The following HES2 variants were observed in gnomAD, a reference collection of about 807,000 sequenced individuals.
HES2 encodes transcription factor HES-2.
In HES2, 11 loss-of-function variants were observed where a neutral mutation model predicts 11.9. The ratio of observed to expected loss-of-function variants is 0.92; its 90% confidence interval spans 0.58 to 1.53. The LOEUF (loss-of-function observed/expected upper bound fraction) is 1.53, where lower values mean the gene tolerates loss of function less well. Ranked by LOEUF, HES2 falls within the 40% of genes most tolerant of loss-of-function variation. The pLI, the probability that HES2 is intolerant of heterozygous loss-of-function variation, is 0.00. For synonymous variants in HES2, 125 were observed against 122.8 expected (o/e 1.02, Z -0.12); for missense variants, 260 against 253.8 (o/e 1.02, Z -0.16).
Position 6,419,295 on chromosome 1 carries a change from T to C in HES2, c.187A>G (p.Thr63Ala). 6.2e-7 allele frequency: 1 copy of C among 1,610,878 alleles called. No individual in the cohort carries two copies. The highest frequency in any genetic ancestry group is 8.5e-7 in the Non-Finnish European group (1 of 1,179,188). ...GGCAGCTCCTGCAGGAAGCGCACGG[T>C]CATTTCCAGGACGTCTGCCTTCTCT... ...KLEKADVLEM[T>A]VRFLQELPAS... The change falls in exon 3 of 4, where the codon ACC becomes GCC. Residue 63 changes from threonine to alanine, a missense_variant. By Grantham distance (58) the Thr-to-Ala change is moderately conservative (BLOSUM62 0). Coordinates refer to ENST00000377834, the MANE Select transcript of HES2 (RefSeq NM_019089.5). The surrounding 1 kb of genome is among the most constrained non-coding windows in gnomAD (Gnocchi z 8.1).
chr1:6,419,287 G>C lies in HES2; in HGVS notation c.195C>G (p.Arg65=), dbSNP rs755059196. The change falls in exon 3 of 4, where the codon CGC becomes CGG. Residue 65 remains arginine (R), a synonymous_variant. Coordinates refer to ENST00000377834, the MANE Select transcript of HES2 (RefSeq NM_019089.5). The surrounding 1 kb of genome is among the most constrained non-coding windows in gnomAD (Gnocchi z 8.1). The part of the protein sequence containing the change: ...EKADVLEMTV[R]FLQELPASSW... ...AGGACGCAGGCAGCTCCTGCAGGAA[G>C]CGCACGGTCATTTCCAGGACGTCTG... The C allele has an allele frequency of 1.2e-6, 2 of 1,610,748 alleles. No individual in the cohort carries two copies. Among genetic ancestry groups the C allele is most frequent in the African/African-American group, 2.7e-5 (2 of 74,750 alleles).
In HES2 at chr1:6,419,652, G is replaced by A; in HGVS notation, c.96C>T (p.Ser32=). The A allele has an allele frequency of 1.3e-6, 2 of 1,554,508 alleles. No homozygotes were observed. Among genetic ancestry groups the A allele is most frequent in the Non-Finnish European group, 1.7e-6 (2 of 1,153,410 alleles). The change falls in exon 2 of 4, where the codon AGC becomes AGT. Residue 32 remains serine (S), a synonymous_variant. Coordinates refer to ENST00000377834, the MANE Select transcript of HES2 (RefSeq NM_019089.5). The surrounding 1 kb of genome is among the most constrained non-coding windows in gnomAD (Gnocchi z 8.1). The part of the protein sequence containing the change: ...EKRRRARINQ[S]LSQLKGLILP... Reference sequence around the variant, plus strand: ...GGATGAGCCCCTTAAGCTGGCTCAGGCTCTGGTTGATGCGCGCGCGCCGGC... The same window carrying A: ...GGATGAGCCCCTTAAGCTGGCTCAGACTCTGGTTGATGCGCGCGCGCCGGC...
chr1:6,419,804 C>T lies in HES2; in HGVS notation c.17G>A (p.Arg6Gln). The change falls in exon 1 of 4, where the codon CGG (arginine) becomes CAG (glutamine). Residue 6 changes from arginine to glutamine, a missense_variant. Physicochemically the swap from Arg to Gln is conservative, Grantham distance 43 (BLOSUM62 1). Transcript: ENST00000377834. This position sits in a 1 kb window ranked among gnomAD's most constrained non-coding sequence, Gnocchi z 8.1. ...GCGCAGCTCCGCCGCGTCCCCTGCC[C>T]GGCGAGGCAGCCCCATGCTCCGCGG... is the stretch of plus-strand genomic sequence containing the variant. MGLPR[R>Q]AGDAAELRKS... The T allele has an allele frequency of 6.4e-7, 1 of 1,563,032 alleles. No homozygotes were observed. The highest frequency in any genetic ancestry group is 8.6e-7 in the Non-Finnish European group (1 of 1,159,368).
At position 6,415,303 on chromosome 1, in the gene HES2, G is replaced by A. The variant is rs1287652610; in HGVS notation, c.*3570C>T. On this transcript the variant is annotated 3_prime_UTR_variant, in exon 4 of 4. Coordinates refer to ENST00000377834, the MANE Select transcript of HES2 (RefSeq NM_019089.5). ...TTTTTTTAAACAAATTGAAGGTTCG[G>A]GGTAACTCCAGAGTCAAGCAAGTCT... 6.6e-6 allele frequency: 1 copy of A among 151,830 alleles called. No individual in the cohort carries two copies. The highest frequency in any genetic ancestry group is 1.5e-5 in the Non-Finnish European group (1 of 67,982). The allele number at this position is 151,830 out of a possible 1,614,324, so 9.4% of individuals were successfully genotyped here. A position where few individuals can be genotyped will look rare whatever the true frequency, so the allele number is the denominator to read the frequency against.
Position 6,419,453 on chromosome 1 carries a change from T to C in HES2, c.142-113A>G. 8.4e-7 allele frequency: 1 copy of C among 1,187,476 alleles called. No individual in the cohort carries two copies. The highest frequency in any genetic ancestry group is 1.2e-6 in the Non-Finnish European group (1 of 851,984). 73.6% of individuals were successfully genotyped at this position (1,187,476 alleles called of 1,614,324 possible). A position where few individuals can be genotyped will look rare whatever the true frequency, so the allele number is the denominator to read the frequency against. On this transcript the variant is annotated intron_variant, in intron 2 of 3. Coordinates refer to ENST00000377834, the MANE Select transcript of HES2 (RefSeq NM_019089.5). This position sits in a 1 kb window ranked among gnomAD's most constrained non-coding sequence, Gnocchi z 8.1. ...GCTGGGTGTGGGGCGCGCCGTGGCCTGCTGGGGGTCCGCTCCGACGCGCCC... is the reference window on the plus strand; with the variant it reads ...GCTGGGTGTGGGGCGCGCCGTGGCCCGCTGGGGGTCCGCTCCGACGCGCCC...
chr1:6,419,054 C>T lies in HES2; in HGVS notation c.341G>A (p.Arg114His). The T allele has an allele frequency of 1.4e-6, 2 of 1,471,856 alleles. No homozygotes were observed. The highest frequency in any genetic ancestry group is 8.9e-7 in the Non-Finnish European group (1 of 1,121,102). The allele number at this position is 1,471,856 out of a possible 1,614,324, so 91.2% of individuals were successfully genotyped here. The stretch of plus-strand genomic sequence containing the variant: ...TCTCCGCCACAGGTGCTCCAGCAGG[C>T]GCGCGCTCACGGCGGGCTCCAGGAC... ...CRVLEPAVSA[R>H]LLEHLWRRAA... is the part of the protein sequence containing the mutation. Residue 114 changes from arginine (R) to histidine (H), a missense_variant, in exon 4 of 4, where the codon CGC (arginine) becomes CAC (histidine). Arg to His is a conservative substitution (Grantham distance 29). Transcript: ENST00000377834. This position sits in a 1 kb window ranked among gnomAD's most constrained non-coding sequence, Gnocchi z 8.1.
Position 6,418,941 on chromosome 1 carries a change from G to T in HES2, c.454C>A (p.Pro152Thr). The T allele has an allele frequency of 9.8e-6, 13 of 1,331,064 alleles. No homozygotes were observed. Among genetic ancestry groups the T allele is most frequent in the Non-Finnish European group, 1.2e-5 (13 of 1,049,646 alleles). The allele number at this position is 1,331,064 out of a possible 1,614,324, so 82.5% of individuals were successfully genotyped here. A position where few individuals can be genotyped will look rare whatever the true frequency, so the allele number is the denominator to read the frequency against. The change falls in exon 4 of 4, where the codon CCC (proline) becomes ACC (threonine). Residue 152 changes from proline to threonine, a missense_variant. By Grantham distance (38) the Pro-to-Thr change is conservative. Transcript: ENST00000377834. ...PAPAPASAPE[P>T]ASAPVPSPPS... ...GGCGAGGGCACCGGAGCGGATGCGG[G>T]CTCTGGGGCAGACGCGGGCGCTGGG...
chr1:6,417,895 T>G lies in HES2; in HGVS notation c.*978A>C, dbSNP rs1488712792. ...CACCGCGCCCGCCCAGAAAGAAAAA[T>G]CTTAACAAGTTGCTTCCAGTAACCA... On this transcript the variant is annotated 3_prime_UTR_variant, in exon 4 of 4. Transcript: ENST00000377834. 6.6e-6 allele frequency: 1 copy of G among 152,116 alleles called. No homozygotes were observed. The highest frequency in any genetic ancestry group is 2.4e-5 in the African/African-American group (1 of 41,398). The allele number at this position is 152,116 out of a possible 1,614,324, so 9.4% of individuals were successfully genotyped here. A position where few individuals can be genotyped will look rare whatever the true frequency, so the allele number is the denominator to read the frequency against.
Position 6,419,883 on chromosome 1 carries a change from A to C in HES2, c.-63T>G. On this transcript the variant is annotated 5_prime_UTR_variant, in exon 1 of 4. Coordinates refer to ENST00000377834, the MANE Select transcript of HES2 (RefSeq NM_019089.5). This position sits in a 1 kb window ranked among gnomAD's most constrained non-coding sequence, Gnocchi z 8.1. ...CAAAGGGAAACCGAGGTCCGAAATG[A>C]GGTCCCGGGCGCGGCCCGGGCTGGT... is the stretch of plus-strand genomic sequence containing the variant. 1.4e-6 allele frequency: 2 copies of C among 1,467,600 alleles called. No individual in the cohort carries two copies. The highest frequency in any genetic ancestry group is 1.8e-6 in the Non-Finnish European group (2 of 1,110,460). 90.9% of individuals were successfully genotyped at this position (1,467,600 alleles called of 1,614,324 possible).
chr1:6,418,687 T>C lies in HES2; in HGVS notation c.*186A>G, dbSNP rs1226981903. On this transcript the variant is annotated 3_prime_UTR_variant, in exon 4 of 4. Transcript: ENST00000377834. ...AAGCAGGGACGCTCCTTTTATTCCC[T>C]GAGCCGAGCCCCAGCCCCAGGGCTT... is the stretch of plus-strand genomic sequence containing the variant. 1.0e-5 allele frequency: 5 copies of C among 490,394 alleles called. No homozygotes were observed. The highest frequency in any genetic ancestry group is 1.6e-5 in the Non-Finnish European group (5 of 310,908). The allele number at this position is 490,394 out of a possible 1,614,324, so 30.4% of individuals were successfully genotyped here. A position where few individuals can be genotyped will look rare whatever the true frequency, so the allele number is the denominator to read the frequency against.
chr1:6,418,719 T>G lies in HES2; in HGVS notation c.*154A>C, dbSNP rs940868265. 4 of 705,898 alleles carry G rather than the reference T, an allele frequency of 5.7e-6. No homozygotes were observed. Among genetic ancestry groups the G allele is most frequent in the Middle Eastern group, 4.5e-4 (1 of 2,230 alleles). The allele number at this position is 705,898 out of a possible 1,614,324, so 43.7% of individuals were successfully genotyped here. A position where few individuals can be genotyped will look rare whatever the true frequency, so the allele number is the denominator to read the frequency against. ...AGCCCCAGCCCCAGGGCTTTCAGTC[T>G]GCCACGCCAGTCACAAACAGCCGGC... On this transcript the variant is annotated 3_prime_UTR_variant, in exon 4 of 4. Transcript: ENST00000377834.
Position 6,417,199 on chromosome 1 carries a change from T to C in HES2, c.*1674A>G, listed in dbSNP as rs1459667647. ...GGCCTTGCTGGGAGCCTCACCCTGTTGGCTGAACAATGATTTTTTCAATAA... is the reference window on the plus strand; with the variant it reads ...GGCCTTGCTGGGAGCCTCACCCTGTCGGCTGAACAATGATTTTTTCAATAA... On this transcript the variant is annotated 3_prime_UTR_variant, in exon 4 of 4. Coordinates refer to ENST00000377834, the MANE Select transcript of HES2 (RefSeq NM_019089.5). The C allele has an allele frequency of 6.6e-6, 1 of 152,234 alleles. No individual in the cohort carries two copies. The highest frequency in any genetic ancestry group is 1.5e-5 in the Non-Finnish European group (1 of 68,068). 9.4% of individuals were successfully genotyped at this position (152,234 alleles called of 1,614,324 possible).
rs759073445 is a variant in HES2 at position 6,419,323 on chromosome 1, C to A, written c.159G>T (p.Lys53Asn). ...LLGRENSNCS[K>N]LEKADVLEMT... The stretch of plus-strand genomic sequence containing the variant: ...TTTCCAGGACGTCTGCCTTCTCTAG[C>A]TTCGAGCAGTTGGAGTTCTGCGCCC... Residue 53 changes from lysine to asparagine, a missense_variant, in exon 3 of 4, where the codon AAG becomes AAT. Physicochemically the swap from Lys to Asn is moderately conservative, Grantham distance 94. Coordinates refer to ENST00000377834, the MANE Select transcript of HES2 (RefSeq NM_019089.5). The surrounding 1 kb of genome is among the most constrained non-coding windows in gnomAD (Gnocchi z 8.1). The A allele has an allele frequency of 6.2e-7, 1 of 1,610,654 alleles. No individual in the cohort carries two copies. The highest frequency in any genetic ancestry group is 8.5e-7 in the Non-Finnish European group (1 of 1,179,126).
chr1:6,418,906 A>G lies in HES2; in HGVS notation c.489T>C (p.Pro163=). The G allele has an allele frequency of 7.6e-7, 1 of 1,315,026 alleles. No homozygotes were observed. The highest frequency in any genetic ancestry group is 9.6e-7 in the Non-Finnish European group (1 of 1,039,930). The allele number at this position is 1,315,026 out of a possible 1,614,324, so 81.5% of individuals were successfully genotyped here. The change falls in exon 4 of 4, where the codon CCT becomes CCC. Residue 163 remains proline (P), a synonymous_variant. Coordinates refer to ENST00000377834, the MANE Select transcript of HES2 (RefSeq NM_019089.5). ...GCCGCCAGAGGCCAGGGCCGCAGGG[A>G]GGCGAGGGCGGCGAGGGCACCGGAG... The part of the protein sequence containing the change: ...ASAPVPSPPS[P]PCGPGLWRPW
chr1:6,418,810 T>G lies in HES2; in HGVS notation c.*63A>C. The G allele has an allele frequency of 7.8e-7, 1 of 1,274,314 alleles. No individual in the cohort carries two copies. 78.9% of individuals were successfully genotyped at this position (1,274,314 alleles called of 1,614,324 possible). On this transcript the variant is annotated 3_prime_UTR_variant, in exon 4 of 4. Transcript: ENST00000377834. ...GGGAACAGCAGCCGCCACCAAGAGCTTCAACCTGTCCAGTGCCCCAAGGTC... is the reference window on the plus strand; with the variant it reads ...GGGAACAGCAGCCGCCACCAAGAGCGTCAACCTGTCCAGTGCCCCAAGGTC...
Position 6,419,439 on chromosome 1 carries a change from G to T in HES2, c.142-99C>A. 1 of 1,218,304 alleles carries T rather than the reference G, an allele frequency of 8.2e-7. No individual in the cohort carries two copies. Among genetic ancestry groups the T allele is most frequent in the Non-Finnish European group, 1.1e-6 (1 of 873,856 alleles). The allele number at this position is 1,218,304 out of a possible 1,614,324, so 75.5% of individuals were successfully genotyped here. A position where few individuals can be genotyped will look rare whatever the true frequency, so the allele number is the denominator to read the frequency against. On this transcript the variant is annotated intron_variant, in intron 2 of 3. Transcript: ENST00000377834. This position sits in a 1 kb window ranked among gnomAD's most constrained non-coding sequence, Gnocchi z 8.1. ...CGCTCTAGTCGGGAGCTGGGTGTGGGGCGCGCCGTGGCCTGCTGGGGGTCC... is the reference window on the plus strand; with the variant it reads ...CGCTCTAGTCGGGAGCTGGGTGTGGTGCGCGCCGTGGCCTGCTGGGGGTCC...
chr1:6,419,710 C>A lies in HES2; in HGVS notation c.46-8G>T, dbSNP rs774005281. 1 of 1,551,346 alleles carries A rather than the reference C, an allele frequency of 6.4e-7. No homozygotes were observed. The highest frequency in any genetic ancestry group is 1.2e-5 in the South Asian group (1 of 84,280). On this transcript the variant is annotated splice_polypyrimidine_tract_variant and splice_region_variant and intron_variant, in intron 1 of 3. Coordinates refer to ENST00000377834, the MANE Select transcript of HES2 (RefSeq NM_019089.5). The surrounding 1 kb of genome is among the most constrained non-coding windows in gnomAD (Gnocchi z 8.1). Reference sequence around the variant, plus strand: ...CAGCAGCGGCTTCAGGCTCTGCGGACGGGCGGCGCGGTGGTTAGACGGGTC... The same window carrying A: ...CAGCAGCGGCTTCAGGCTCTGCGGAAGGGCGGCGCGGTGGTTAGACGGGTC...
rs1204413004 is a variant in HES2 at position 6,417,044 on chromosome 1, C to G, written c.*1829G>C. On this transcript the variant is annotated 3_prime_UTR_variant, in exon 4 of 4. Coordinates refer to ENST00000377834, the MANE Select transcript of HES2 (RefSeq NM_019089.5). Reference sequence around the variant, plus strand: ...GTCCTCTCATCCTCTGCTCACTAGTCCACTATATTCAGTGAGCACCCACTG... The same window carrying G: ...GTCCTCTCATCCTCTGCTCACTAGTGCACTATATTCAGTGAGCACCCACTG... The G allele has an allele frequency of 6.6e-6, 1 of 152,272 alleles. No homozygotes were observed. Among genetic ancestry groups the G allele is most frequent in the Admixed American group, 6.5e-5 (1 of 15,284 alleles). 9.4% of individuals were successfully genotyped at this position (152,272 alleles called of 1,614,324 possible).
At position 6,419,919 on chromosome 1, in the gene HES2, T is replaced by G; in HGVS notation, c.-99A>C. The G allele has an allele frequency of 1.5e-6, 2 of 1,369,896 alleles. No homozygotes were observed. Among genetic ancestry groups the G allele is most frequent in the Non-Finnish European group, 1.9e-6 (2 of 1,062,568 alleles). 84.9% of individuals were successfully genotyped at this position (1,369,896 alleles called of 1,614,324 possible). A position where few individuals can be genotyped will look rare whatever the true frequency, so the allele number is the denominator to read the frequency against. On this transcript the variant is annotated 5_prime_UTR_variant, in exon 1 of 4. Coordinates refer to ENST00000377834, the MANE Select transcript of HES2 (RefSeq NM_019089.5). The surrounding 1 kb of genome is among the most constrained non-coding windows in gnomAD (Gnocchi z 8.1). ...GCGGCCCGGGCTGGTGCCAGACGAG[T>G]GCGCGCCCCGCCCGCGGCCGAGCTT...
Sources: allele counts gnomAD v4.1 joint callset, GRCh38; gene constraint gnomAD v4.1.1; non-coding constraint Gnocchi (gnomAD v3.1); transcripts MANE v1.5; gene names NCBI Gene and HGNC (gene_info 2026-07-23, HGNC 2026-07-21).